PIH1D2: variants seen among roughly 807,000 people sequenced by gnomAD.
PIH1D2 encodes PIH1 domain containing 2.
A neutral mutation model predicts 31.2 loss-of-function variants in PIH1D2; 25 were observed. The ratio of observed to expected loss-of-function variants is 0.80; its 90% CI spans 0.58 to 1.12. The LOEUF (loss-of-function observed/expected upper bound fraction) is 1.12, where lower values mean the gene tolerates loss of function less well. Among genes scored for constraint, PIH1D2 ranks in the 50% most tolerant of loss-of-function variants. The pLI, the probability that PIH1D2 is intolerant of heterozygous loss-of-function variation, is 0.00. For synonymous variants in PIH1D2, 116 were observed against 119.9 expected, an observed-to-expected ratio of 0.97 and a Z score of 0.21; for missense variants, 310 against 356.6, an observed-to-expected ratio of 0.87 and a Z score of 1.05.
Position 112,073,175 on chromosome 11 carries a change from G to T in PIH1D2, c.-1C>A. ...GCAGACCTTTTGAGGATGTCTCCAT[G>T]ACTTATGAGTGGTGAATAATTTTCT... On this transcript the variant is annotated 5_prime_UTR_variant, in exon 2 of 6. Transcript: ENST00000280350. The T allele has an allele frequency of 6.3e-7, 1 of 1,597,400 alleles. No individual in the cohort carries two copies. The highest frequency in any genetic ancestry group is 1.1e-5 in the South Asian group (1 of 89,754).
the PIH1D2 span, among the ~76,000 whole-genome samples, chr11:112,056,874 G>C: frequency 2.0e-4 from 31 of 152,160 alleles, 1 homozygote; most frequent in Non-Finnish European, 2.9e-5. Flanking sequence ...ATCTACTTGT[G>C]AGAGTATCTC....
chr11:112,057,996 A>C, the PIH1D2 span, among the ~76,000 whole-genome samples: 1 of 152,202 alleles, frequency 6.6e-6, no homozygotes, highest in Non-Finnish European at 1.5e-5. Flanking sequence ...ATGTACTAGG[A>C]GATCAGAAAA....
At chr11:112,053,873 C>T in the PIH1D2 span, among the ~76,000 whole-genome samples, 1 of 152,030 alleles carries the variant, frequency 6.6e-6, no homozygotes, top group Non-Finnish European at 1.5e-5. Flanking sequence ...TGACTGACTC[C>T]CCGTTAAAGA....
At chr11:112,068,767 G>A (rs782796541) in intron 5 of PIH1D2, among the ~76,000 whole-genome samples, 19 of 152,122 alleles carry the variant, frequency 1.2e-4, no homozygotes, top group Non-Finnish European at 2.5e-4. Context: ...CTGGGCAATA[G>A]AGTGAGACTG....
downstream of PIH1D2, chr11:112,063,853 A>G (rs757760280): frequency 4.1e-5 from 9 of 220,346 alleles, no homozygotes; most frequent in Non-Finnish European, 7.9e-5. Flanking sequence ...GTTTTAATAA[A>G]CGTTTGAAAT....
chr11:112,073,350 TTA>T, intron 1 of PIH1D2, 145 bp from the exon 2 acceptor site: 2 of 518,508 alleles, frequency 3.9e-6, no homozygotes, highest in Non-Finnish European at 6.7e-6. Flanking sequence ...CAGCACCACT[TTA>T]TGTTTTCCTT....
downstream of PIH1D2, among the ~76,000 whole-genome samples, chr11:112,058,989 C>T (rs1179163848): frequency 6.6e-6 from 1 of 151,310 alleles, no homozygotes; most frequent in Non-Finnish European, 1.5e-5. Context: ...GATCCAGATG[C>T]ATAGGGACAC....
chr11:112,061,380 C>A, downstream of PIH1D2: 1 of 578,672 alleles, frequency 1.7e-6, no homozygotes. Flanking sequence ...TATAATAATA[C>A]AATACCTAAA....
chr11:112,064,048 G>T, downstream of PIH1D2: 3 of 843,630 alleles, frequency 3.6e-6, no homozygotes, highest in South Asian at 2.0e-5. Flanking sequence ...GTATTATTAT[G>T]AAAACAATAC....
At chr11:112,054,151 A>G in the PIH1D2 span, among the ~76,000 whole-genome samples, 1 of 151,646 alleles carries the variant, frequency 6.6e-6, no homozygotes, top group African/African-American at 2.4e-5. Flanking sequence ...TCTGCTAAAA[A>G]TACAAAAAAA....
At position 112,067,854 on chromosome 11, in the gene PIH1D2, CAT is replaced by C. The variant is rs782041241; in HGVS notation, c.*15_*16del. The C allele has an allele frequency of 3.3e-5, 53 of 1,610,936 alleles. No homozygotes were observed. Among genetic ancestry groups the C allele is most frequent in the Non-Finnish European group, 4.0e-5 (47 of 1,179,240 alleles). On this transcript the variant is annotated 3_prime_UTR_variant, in exon 6 of 6. Transcript: ENST00000280350. The stretch of plus-strand genomic sequence containing the variant: ...TGACTTTAGCACTGAAAACCCAAAA[CAT>C]ATGATGCTCTTCTTTCACACCAAAG...
chr11:112,061,353 A>G, downstream of PIH1D2: 1 of 649,602 alleles, frequency 1.5e-6, no homozygotes, highest in South Asian at 1.8e-5. Context: ...ATTATTCTGT[A>G]TACTTTATTC....
intron 5 of PIH1D2, among the ~76,000 whole-genome samples, chr11:112,068,986 T>G (rs587742141): frequency 3.6e-5 from 5 of 139,604 alleles, no homozygotes; most frequent in South Asian, 2.2e-4. Flanking sequence ...TTTTTTGTTT[T>G]TTTTTTTTTT....
chr11:112,069,274 G>A (rs1865039118), intron 5 of PIH1D2, among the ~76,000 whole-genome samples: 1 of 151,948 alleles, frequency 6.6e-6, no homozygotes, highest in Admixed American at 6.6e-5. Context: ...AAAATCCTAG[G>A]ATTACAGGCA....
Position 112,071,772 on chromosome 11 carries a change from A to G in PIH1D2, c.178-14T>C. ...TTCTTTTGGTTTCTGGAAAGCAAAT[A>G]ATTTTGCACATCTCAAAACCTAGTT... is the stretch of plus-strand genomic sequence containing the variant. On this transcript the variant is annotated splice_polypyrimidine_tract_variant and intron_variant, in intron 2 of 5. Transcript: ENST00000280350. The G allele has an allele frequency of 6.2e-7, 1 of 1,613,774 alleles. No individual in the cohort carries two copies. The highest frequency in any genetic ancestry group is 8.5e-7 in the Non-Finnish European group (1 of 1,179,670).
chr11:112,061,128 A>G (rs782579212), downstream of PIH1D2: 5 of 1,614,148 alleles, frequency 3.1e-6, no homozygotes, highest in South Asian at 4.4e-5. Flanking sequence ...TATTTTGGCA[A>G]TTGGTGCTTC....
chr11:112,073,131 A>G lies in PIH1D2; in HGVS notation c.44T>C (p.Phe15Ser). 1 of 1,613,824 alleles carries G rather than the reference A, an allele frequency of 6.2e-7. No homozygotes were observed. The highest frequency in any genetic ancestry group is 8.5e-7 in the Non-Finnish European group (1 of 1,179,788). Residue 15 changes from phenylalanine to serine, a missense_variant, in exon 2 of 6, where the codon TTT becomes TCT. Physicochemically the swap from Phe to Ser is radical, Grantham distance 155 (BLOSUM62 -2). Transcript: ENST00000280350. The part of the protein sequence containing the change: ...SKGLLTQVTQ[F>S]WNLLDDLAQS... Reference sequence around the variant, plus strand: ...AGCTAGATCATCTAGGAGGTTCCAAAACTGAGTAACTTGGGTAAGCAGACC... The same window carrying G: ...AGCTAGATCATCTAGGAGGTTCCAAGACTGAGTAACTTGGGTAAGCAGACC...
downstream of PIH1D2, among the ~76,000 whole-genome samples, chr11:112,066,383 G>A (rs1864928361): frequency 6.6e-6 from 1 of 152,160 alleles, no homozygotes; most frequent in South Asian, 2.1e-4. Context: ...GCTTACGTCT[G>A]TAATGTCAGC....
intron 5 of PIH1D2, chr11:112,070,214 C>T: frequency 1.6e-6 from 1 of 619,780 alleles, no homozygotes; most frequent in South Asian, 2.1e-5. Flanking sequence ...CATGAAGTGT[C>T]ATGTCTGAGT....
Sources: allele counts gnomAD v4.1 joint callset (sites outside exome capture counted in the v4.1 genomes callset), GRCh38; gene constraint gnomAD v4.1.1; transcripts MANE v1.5; gene names NCBI Gene and HGNC (gene_info 2026-07-23, HGNC 2026-07-21).